NOS1AP: variants seen among roughly 807,000 people sequenced by gnomAD.
NOS1AP encodes carboxyl-terminal PDZ ligand of neuronal nitric oxide synthase protein.
NOS1AP carries 21 observed loss-of-function variants against 56.2 expected under a neutral mutation model. The ratio of observed to expected loss-of-function variants is 0.37; its 90% CI spans 0.26 to 0.54. The LOEUF (loss-of-function observed/expected upper bound fraction) is 0.54. Ranked by LOEUF, NOS1AP falls within the 20% of genes least tolerant of loss-of-function variation. The pLI is 0.84. For synonymous variants in NOS1AP, 270 were observed against 274.6 expected, an observed-to-expected ratio of 0.98 and a Z score of 0.17; for missense variants, 522 against 657.8, an observed-to-expected ratio of 0.79 and a Z score of 2.26.
At chr1:162,122,809 A>G (rs754762009) in intron 1 of NOS1AP, among the ~76,000 whole-genome samples, 10 of 152,074 alleles carry the variant, frequency 6.6e-5, no homozygotes, top group Non-Finnish European at 8.8e-5. Context: ...CCAGCCCCCA[A>G]TTTTTAATTA....
intron 6 of NOS1AP, among the ~76,000 whole-genome samples, chr1:162,354,057 C>A (rs1031178881): frequency 6.6e-6 from 1 of 152,224 alleles, no homozygotes; most frequent in African/African-American, 2.4e-5. Flanking sequence ...TGTTTACTTT[C>A]TAAATGCCAG....
At chr1:162,173,146 A>C (rs1650881594) in intron 2 of NOS1AP, among the ~76,000 whole-genome samples, 1 of 152,158 alleles carries the variant, frequency 6.6e-6, no homozygotes, top group East Asian at 1.9e-4. Flanking sequence ...CTTTGAAAAT[A>C]ATGGCAAAAA....
chr1:162,211,622 C>A lies in NOS1AP; in HGVS notation c.177+57146C>A, dbSNP rs181203715. Among the ~76,000 whole-genome samples the A allele has an allele frequency of 3.9e-5, 6 of 152,246 alleles. No individual in the cohort carries two copies. The East Asian group carries it at 1.2e-3, about 29-fold the overall frequency. ...AACTCACCTCCTAGGGCATTAAAAA[C>A]CCAGTGAGGCAGTGGGTTGTTTGGC... On this transcript the variant is annotated intron_variant, in intron 2 of 9. Transcript: ENST00000361897.
intron 1 of NOS1AP, among the ~76,000 whole-genome samples, chr1:162,144,998 T>C (rs997567685): frequency 3.3e-5 from 5 of 152,200 alleles, no homozygotes; most frequent in African/African-American, 1.2e-4. Flanking sequence ...GCAATCATTT[T>C]GCACCCAGCC....
chr1:162,131,953 G>A (rs1648769801), intron 1 of NOS1AP, among the ~76,000 whole-genome samples: 1 of 152,154 alleles, frequency 6.6e-6, no homozygotes, highest in South Asian at 2.1e-4. Flanking sequence ...CTTATTTAAT[G>A]GGATTGTCAC....
In NOS1AP at chr1:162,367,202, T is replaced by C. The variant is rs753167797; in HGVS notation, c.1256T>C (p.Leu419Ser). Residue 419 changes from leucine (L) to serine (S), a missense_variant, in exon 10 of 10, where the codon TTA (leucine) becomes TCA (serine). Leu to Ser is a moderately radical substitution (Grantham distance 145). Coordinates refer to ENST00000361897, the MANE Select transcript of NOS1AP (RefSeq NM_014697.3). This position sits in a 1 kb window ranked among gnomAD's most constrained non-coding sequence, Gnocchi z 6.5. ...TTTGCCCACCCTGCGGGCAGCCCCT[T>C]AGGTAGGCGCGACTGCTTGGTGAAG... Reference protein sequence around the residue: ...ADFAHPAGSPLGRRDCLVKLE... With the variant: ...ADFAHPAGSPSGRRDCLVKLE... The C allele has an allele frequency of 3.2e-5, 51 of 1,613,730 alleles. No individual in the cohort carries two copies. Among genetic ancestry groups the C allele is most frequent in the Non-Finnish European group, 4.1e-5 (48 of 1,179,956 alleles).
At chr1:162,108,045 G>C (rs773155355) in intron 1 of NOS1AP, among the ~76,000 whole-genome samples, 9 of 152,180 alleles carry the variant, frequency 5.9e-5, no homozygotes, top group Non-Finnish European at 1.2e-4. Context: ...TTAGAAACAT[G>C]GTCTACCTCT....
At chr1:162,166,886 C>A (rs1379909980) in intron 2 of NOS1AP, among the ~76,000 whole-genome samples, 1 of 152,244 alleles carries the variant, frequency 6.6e-6, no homozygotes, top group South Asian at 2.1e-4. Context: ...CAACTCAAGC[C>A]CTTTTGGTCA....
At chr1:162,111,375 C>G (rs1308914714) in intron 1 of NOS1AP, among the ~76,000 whole-genome samples, 1 of 152,226 alleles carries the variant, frequency 6.6e-6, no homozygotes, top group East Asian at 1.9e-4. Context: ...CCCACATCCT[C>G]ATCCCAGCCC....
At chr1:162,156,175 A>G (rs1649966532) in intron 2 of NOS1AP, among the ~76,000 whole-genome samples, 1 of 152,220 alleles carries the variant, frequency 6.6e-6, no homozygotes, top group Non-Finnish European at 1.5e-5. Flanking sequence ...CTGCTATTAA[A>G]TACAACAGTA....
At chr1:162,253,478 A>T (rs1007836409) in intron 2 of NOS1AP, among the ~76,000 whole-genome samples, 3 of 152,246 alleles carry the variant, frequency 2.0e-5, no homozygotes, top group South Asian at 2.1e-4. Flanking sequence ...CAATTCAGTT[A>T]TGAATTGTCA....
intron 4 of NOS1AP, among the ~76,000 whole-genome samples, chr1:162,331,897 C>G (rs1385595101): frequency 2.0e-5 from 3 of 152,230 alleles, no homozygotes; most frequent in Admixed American, 6.5e-5. Flanking sequence ...AATTTTCCCC[C>G]TTTCTCCAGC....
Position 162,207,440 on chromosome 1 carries a change from A to T in NOS1AP, c.177+52964A>T, listed in dbSNP as rs182273766. 3.9e-4 allele frequency among the ~76,000 whole-genome samples: 59 copies of T among 152,348 alleles called. 2 individuals are homozygous for T. The East Asian group carries it at 0.011, about 28-fold the overall frequency. Reference sequence around the variant, plus strand: ...CAGAAAGAGCCCAGGTTAGTGTGGGAACAGCAGAGCTGTTCGAGCTGGTTC... The same window carrying T: ...CAGAAAGAGCCCAGGTTAGTGTGGGTACAGCAGAGCTGTTCGAGCTGGTTC... On this transcript the variant is annotated intron_variant, in intron 2 of 9. Coordinates refer to ENST00000361897, the MANE Select transcript of NOS1AP (RefSeq NM_014697.3).
chr1:162,300,455 A>G (rs1655610799), intron 3 of NOS1AP, among the ~76,000 whole-genome samples, 178 bp from the exon 4 acceptor site: 1 of 152,082 alleles, frequency 6.6e-6, no homozygotes, highest in African/African-American at 2.4e-5. Flanking sequence ...CTTGGAGGAA[A>G]CTGATCAGAC....
At chr1:162,143,245 C>T (rs1649312514) in intron 1 of NOS1AP, among the ~76,000 whole-genome samples, 1 of 152,084 alleles carries the variant, frequency 6.6e-6, no homozygotes, top group Non-Finnish European at 1.5e-5. Context: ...TCCGTCTTCA[C>T]TCCTCTTTGA....
chr1:162,167,998 CAAA>C (rs33932029), intron 2 of NOS1AP, among the ~76,000 whole-genome samples: 4 of 139,238 alleles, frequency 2.9e-5, no homozygotes, highest in African/African-American at 1.1e-4. Flanking sequence ...AGTGGCTAGT[CAAA>C]AAAAAAAAAA....
chr1:162,310,273 C>G lies in NOS1AP; in HGVS notation c.344+9567C>G, dbSNP rs758984101. ...ATGATATATACATGTCTCTTTTGCT[C>G]TCTGTGTGGTTTATAAGTGATGGGG... On this transcript the variant is annotated intron_variant, in intron 4 of 9. Transcript: ENST00000361897. Among the ~76,000 whole-genome samples the G allele has an allele frequency of 3.9e-5, 6 of 152,192 alleles. No homozygotes were observed. In the South Asian group the frequency reaches 8.3e-4, roughly 21 times the overall value.
At chr1:162,292,809 G>A (rs1557866308) in intron 3 of NOS1AP, among the ~76,000 whole-genome samples, 1 of 152,174 alleles carries the variant, frequency 6.6e-6, no homozygotes, top group Non-Finnish European at 1.5e-5. Context: ...AAGTCAGATC[G>A]AATTAAGAAA....
At chr1:162,337,558 C>T (rs1248728110) in intron 5 of NOS1AP, among the ~76,000 whole-genome samples, 1 of 152,194 alleles carries the variant, frequency 6.6e-6, no homozygotes, top group Admixed American at 6.5e-5. Flanking sequence ...GTCTGAATCA[C>T]TCTCTTTGTG....
Sources: allele counts gnomAD v4.1 joint callset (sites outside exome capture counted in the v4.1 genomes callset), GRCh38; gene constraint gnomAD v4.1.1; non-coding constraint Gnocchi (gnomAD v3.1); transcripts MANE v1.5; gene names NCBI Gene and HGNC (gene_info 2026-07-23, HGNC 2026-07-21).